The following USP20 variants were observed in gnomAD, a reference collection of about 807,000 sequenced individuals.
The protein encoded by USP20 is ubiquitin specific peptidase 20, also known as ubiquitin carboxyl-terminal hydrolase 20.
Under a neutral mutation model 124.2 loss-of-function variants are expected in USP20, and 80 were observed. The ratio of observed to expected loss-of-function variants is 0.64; its 90% CI spans 0.54 to 0.78. The LOEUF (loss-of-function observed/expected upper bound fraction) is 0.78, where lower values mean the gene tolerates loss of function less well. Among genes scored for constraint, USP20 ranks in the 30% least tolerant of loss-of-function variants. The pLI is 0.00. For missense variants in USP20, 1,043 were observed against 1,244.4 expected (o/e 0.84, Z 2.44); for synonymous variants, 481 against 512.3 (o/e 0.94, Z 0.83).
intron 3 of USP20, among the ~76,000 whole-genome samples, 191 bp downstream of exon 3, chr9:129,852,827 A>G (rs1384319705): frequency 6.6e-6 from 1 of 152,158 alleles, no homozygotes; most frequent in African/African-American, 2.4e-5. Context: ...GCCATTAATT[A>G]TAGTTTAGAC....
At chr9:129,838,346 A>G (rs1290524104) in intron 1 of USP20, among the ~76,000 whole-genome samples, 1 of 152,158 alleles carries the variant, frequency 6.6e-6, no homozygotes, top group Non-Finnish European at 1.5e-5. Context: ...CCGGCTAACA[A>G]CAAATATTTA....
At chr9:129,838,230 C>T (rs994678531) in intron 1 of USP20, among the ~76,000 whole-genome samples, 2 of 151,912 alleles carry the variant, frequency 1.3e-5, no homozygotes, top group Non-Finnish European at 2.9e-5. Flanking sequence ...TTAGTAGAGA[C>T]GGGGTTTCAC....
rs3739857 is a variant in USP20, at chr9:129,880,518, G to A, written c.*68G>A. Reference sequence around the variant, plus strand: ...CGTGTTTGTGCCCAGAAGAGAGGCCGGGCTGCTGCAGAACCCCGCCGTGTA... The same window carrying A: ...CGTGTTTGTGCCCAGAAGAGAGGCCAGGCTGCTGCAGAACCCCGCCGTGTA... On this transcript the variant is annotated 3_prime_UTR_variant, in exon 26 of 26. Transcript: ENST00000372429. 0.016 allele frequency: 8,600 copies of A among 546,578 alleles called. 105 individuals are homozygous for A. The highest frequency in any genetic ancestry group is 0.026 in the Middle Eastern group (52 of 2,032). 33.9% of individuals were successfully genotyped at this position (546,578 alleles called of 1,614,324 possible). A position where few individuals can be genotyped will look rare whatever the true frequency, so the allele number is the denominator to read the frequency against.
intron 1 of USP20, among the ~76,000 whole-genome samples, chr9:129,842,853 A>G (rs1564195136): frequency 6.6e-6 from 1 of 151,912 alleles, no homozygotes; most frequent in East Asian, 1.9e-4. Context: ...TTAGCCTCCC[A>G]AAGTGCTGGG....
Position 129,877,805 on chromosome 9 carries a change from G to C in USP20, c.2410-533G>C, listed in dbSNP as rs148722467. On this transcript the variant is annotated intron_variant, in intron 22 of 25. Coordinates refer to ENST00000372429, the MANE Select transcript of USP20 (RefSeq NM_001110303.4). The stretch of plus-strand genomic sequence containing the variant: ...AGCATCTCCCAGGCCGGGCGCAGTG[G>C]TTCATGCCTGTTATCCCAGCACTTT... 1.4e-3 allele frequency among the ~76,000 whole-genome samples: 206 copies of C among 152,278 alleles called. 1 individual carries two copies. Among genetic ancestry groups the C allele is most frequent in the Middle Eastern group, 0.01 (3 of 294 alleles).
At chr9:129,868,799 C>T (rs1289186725) in intron 11 of USP20, 63 bp from the exon 12 acceptor site, 1 of 1,504,038 alleles carries the variant, frequency 6.6e-7, no homozygotes, top group Non-Finnish European at 8.9e-7. Context: ...AGGTCATCTT[C>T]CTGCCCACTC....
intron 3 of USP20, among the ~76,000 whole-genome samples, chr9:129,855,042 G>A (rs954772683): frequency 2.0e-5 from 3 of 152,188 alleles, no homozygotes; most frequent in African/African-American, 7.2e-5. Context: ...TGTGACAAGG[G>A]TGTGACCTCT....
chr9:129,846,247 A>ATATATATATGTATTTTT (rs1554742656), intron 1 of USP20, among the ~76,000 whole-genome samples: 2 of 32,662 alleles, frequency 6.1e-5, no homozygotes, highest in Non-Finnish European at 1.0e-4. Context: ...ATATATATAT[A>ATATATATATGTATTTTT]TTTTTTTTTT....
chr9:129,868,055 C>T lies in USP20; in HGVS notation c.741C>T (p.Leu247=), dbSNP rs201396089. 4.8e-4 allele frequency: 775 copies of T among 1,614,142 alleles called. No homozygotes were observed. Among genetic ancestry groups the T allele is most frequent in the Non-Finnish European group, 6.1e-4 (724 of 1,180,016 alleles). The change falls in exon 11 of 26, where the codon CTC becomes CTT. Residue 247 remains leucine (L), a synonymous_variant. Coordinates refer to ENST00000372429, the MANE Select transcript of USP20 (RefSeq NM_001110303.4). The part of the protein sequence containing the change: ...RCLMDQLHEE[L]KEPVVATVAL... ...TGATGGACCAGCTGCACGAGGAGCT[C>T]AAGGAGCCGGTGGTGGCCACGGTGG... is the stretch of plus-strand genomic sequence containing the variant.
At chr9:129,846,888 A>G (rs62586262) in intron 1 of USP20, among the ~76,000 whole-genome samples, 21,831 of 151,974 alleles carry the variant, frequency 0.14, 2,052 homozygotes, top group African/African-American at 0.26. Flanking sequence ...CAGCCTCCCA[A>G]AGTGTTGGGA....
rs200637302 is a variant in USP20 at position 129,879,622 on chromosome 9, C to G, written c.2562C>G (p.Ser854Arg). ...DNSRIAQVKG[S>R]GHVQLKQGAD... ...GCAGGATTGCACAGGTCAAAGGAAG[C>G]GGCCATGTCCAGCTGAAGCAGGGTG... is the stretch of plus-strand genomic sequence containing the variant. Residue 854 changes from serine to arginine, a missense_variant, in exon 24 of 26, where the codon AGC becomes AGG. Physicochemically the swap from Ser to Arg is moderately radical, Grantham distance 110 (BLOSUM62 -1). Transcript: ENST00000372429. This position sits in a 1 kb window ranked among gnomAD's most constrained non-coding sequence, Gnocchi z 4.2. 6.2e-7 allele frequency: 1 copy of G among 1,613,876 alleles called. No individual in the cohort carries two copies. Among genetic ancestry groups the G allele is most frequent in the Non-Finnish European group, 8.5e-7 (1 of 1,179,990 alleles).
intron 10 of USP20, among the ~76,000 whole-genome samples, chr9:129,867,722 C>T (rs866803702): frequency 5.9e-5 from 9 of 152,100 alleles, no homozygotes; most frequent in Non-Finnish European, 7.4e-5. Flanking sequence ...GAGCCGGAGC[C>T]GGGGAGTTGC....
Position 129,852,632 on chromosome 9 carries a change from C to G in USP20, c.77C>G (p.Ser26Cys). 1 of 1,588,680 alleles carries G rather than the reference C, an allele frequency of 6.3e-7. No individual in the cohort carries two copies. The change falls in exon 3 of 26, where the codon TCT (serine) becomes TGT (cysteine). Residue 26 changes from serine to cysteine, a missense_variant. By Grantham distance (112) the Ser-to-Cys change is moderately radical. Coordinates refer to ENST00000372429, the MANE Select transcript of USP20 (RefSeq NM_001110303.4). The stretch of plus-strand genomic sequence containing the variant: ...ACCAAAGAGGACTTGCTGCTCAAAT[C>G]TAAGGTAAAGGGTCAGACCTTACGG... Reference protein sequence around the residue: ...EVTKEDLLLKSKGTCQSCGVT... With the variant: ...EVTKEDLLLKCKGTCQSCGVT...
intron 1 of USP20, among the ~76,000 whole-genome samples, chr9:129,846,381 G>A (rs1039741126): frequency 2.1e-5 from 3 of 144,026 alleles, no homozygotes; most frequent in African/African-American, 5.2e-5. Flanking sequence ...ACAGCTTCCC[G>A]AGTAGCTGGG....
chr9:129,878,494 G>A lies in USP20; in HGVS notation c.2512+54G>A. ...CTGCCCTGGGGGCCTCCTGGGAGATGGGATGCTGGCAGGGGAGGGCTGGCA... is the reference window on the plus strand; with the variant it reads ...CTGCCCTGGGGGCCTCCTGGGAGATAGGATGCTGGCAGGGGAGGGCTGGCA... On this transcript the variant is annotated intron_variant, in intron 23 of 25. Coordinates refer to ENST00000372429, the MANE Select transcript of USP20 (RefSeq NM_001110303.4). 3.4e-6 allele frequency: 5 copies of A among 1,471,612 alleles called. No homozygotes were observed. The South Asian group carries it at 5.2e-5, about 15-fold the overall frequency. 91.2% of individuals were successfully genotyped at this position (1,471,612 alleles called of 1,614,324 possible).
At chr9:129,836,244 C>G (rs551325959) in intron 1 of USP20, among the ~76,000 whole-genome samples, 2 of 152,324 alleles carry the variant, frequency 1.3e-5, no homozygotes, top group East Asian at 3.9e-4. Flanking sequence ...CAGTAGTTTT[C>G]CTTTTCTCAG....
chr9:129,838,819 A>G (rs184856307), intron 1 of USP20, among the ~76,000 whole-genome samples: 1 of 152,316 alleles, frequency 6.6e-6, no homozygotes, highest in East Asian at 1.9e-4. Context: ...GACCTGGGCC[A>G]GTGACTGGCT....
At chr9:129,873,604 T>G (rs1244336974) in intron 16 of USP20, 89 bp downstream of exon 16, 3 of 1,613,388 alleles carry the variant, frequency 1.9e-6, no homozygotes. Context: ...CCCCCTATAA[T>G]CCTGCCTTCC....
chr9:129,866,869 G>A (rs888257912), intron 10 of USP20, among the ~76,000 whole-genome samples: 10 of 152,302 alleles, frequency 6.6e-5, no homozygotes, highest in South Asian at 4.1e-4. Context: ...GCCTTTGATC[G>A]TGCCTGCCAC....
Sources: gnomAD v4.1 joint callset for allele counts (sites outside exome capture counted in the v4.1 genomes callset) on GRCh38, gnomAD v4.1.1 for gene constraint, Gnocchi (gnomAD v3.1) non-coding constraint, MANE v1.5 for transcripts, NCBI Gene and HGNC (gene_info 2026-07-23, HGNC 2026-07-21) for gene names.